CLCN6: variants seen among roughly 807,000 people sequenced by gnomAD.
The protein encoded by CLCN6 is Cl-/H+ antiporter 6, also known as H(+)/Cl(-) exchange transporter 6.
CLCN6 carries 70 observed loss-of-function variants against 109.8 expected under a neutral mutation model. That is an observed-to-expected ratio of 0.64 (90% CI 0.53 to 0.78). The LOEUF (loss-of-function observed/expected upper bound fraction) is 0.78, where lower values mean the gene tolerates loss of function less well. Among genes scored for constraint, CLCN6 ranks in the 30% least tolerant of loss-of-function variants. The pLI, the probability that CLCN6 is intolerant of heterozygous loss-of-function variation, is 0.00. For synonymous variants in CLCN6, 444 were observed against 447.8 expected (o/e 0.99, Z 0.11); for missense variants, 984 against 1,142.3 (o/e 0.86, Z 2.00).
rs1483109771 is a variant in CLCN6, at chr1:11,842,991, T to G, written c.*2768T>G. The G allele has an allele frequency of 6.6e-6, 1 of 152,266 alleles. No homozygotes were observed. The highest frequency in any genetic ancestry group is 6.5e-5 in the Admixed American group (1 of 15,290). 9.4% of individuals were successfully genotyped at this position (152,266 alleles called of 1,614,324 possible). A position where few individuals can be genotyped will look rare whatever the true frequency, so the allele number is the denominator to read the frequency against. On this transcript the variant is annotated 3_prime_UTR_variant, in exon 23 of 23. Transcript: ENST00000346436. ...CCTTTTTTCTGTTTGCACTGTTTGTTTGTATGATGTTAGCTAATTCCACTG... is the reference window on the plus strand; with the variant it reads ...CCTTTTTTCTGTTTGCACTGTTTGTGTGTATGATGTTAGCTAATTCCACTG...
chr1:11,822,828 G>A (rs550755052), intron 6 of CLCN6, 27 bp downstream of exon 6: 29 of 1,460,614 alleles, frequency 2.0e-5, no homozygotes, highest in East Asian at 1.1e-4. Context: ...TCACCTGCTC[G>A]CTTAGGAGGT....
chr1:11,823,960 T>A, intron 7 of CLCN6, 127 bp downstream of exon 7: 2 of 1,180,140 alleles, frequency 1.7e-6, no homozygotes, highest in Non-Finnish European at 2.4e-6. Flanking sequence ...CTGCACTTTT[T>A]GTTGATGGGC....
intron 22 of CLCN6, among the ~76,000 whole-genome samples, chr1:11,839,581 G>A (rs1263977015): frequency 6.6e-6 from 1 of 152,144 alleles, no homozygotes; most frequent in Non-Finnish European, 1.5e-5. Context: ...TCTTCTATGC[G>A]GCACAACCCT....
rs757334578 is a variant in CLCN6, at chr1:11,823,688, G to A, written c.454-19G>A. ...CCAATGGATTTCGAGTTATGGGTGT[G>A]CCTGCTCTCCTCCATCAGCCGGTGG... On this transcript the variant is annotated intron_variant, in intron 6 of 22. Transcript: ENST00000346436. 1.2e-6 allele frequency: 2 copies of A among 1,613,922 alleles called. No homozygotes were observed. Among genetic ancestry groups the A allele is most frequent in the Admixed American group, 1.7e-5 (1 of 59,998 alleles).
chr1:11,820,550 A>G (rs553680508), intron 5 of CLCN6: 1 of 538,368 alleles, frequency 1.9e-6, no homozygotes, highest in South Asian at 2.3e-5. Flanking sequence ...GCGGATCACA[A>G]GGTCAGGAGA....
intron 10 of CLCN6, 74 bp from the exon 11 acceptor site, chr1:11,828,032 C>G: frequency 1.8e-6 from 2 of 1,096,036 alleles, no homozygotes; most frequent in Admixed American, 3.5e-5. Flanking sequence ...GCAGTGGGTA[C>G]CAGGAGGAAG....
At chr1:11,829,952 C>T (rs1570534298) in intron 13 of CLCN6, 3 of 152,970 alleles carry the variant, frequency 2.0e-5, no homozygotes, top group East Asian at 1.9e-4. Flanking sequence ...CACCTCATGG[C>T]CTCTGTGACT....
intron 8 of CLCN6, among the ~76,000 whole-genome samples, chr1:11,825,270 T>C (rs1183191081): frequency 1.3e-5 from 2 of 152,240 alleles, no homozygotes; most frequent in South Asian, 2.1e-4. Flanking sequence ...GAAGATTCTT[T>C]CGTCCAGAGC....
chr1:11,835,070 T>C (rs932913741), intron 17 of CLCN6, among the ~76,000 whole-genome samples: 1 of 152,168 alleles, frequency 6.6e-6, no homozygotes, highest in African/African-American at 2.4e-5. Context: ...CCTTACGGGC[T>C]AACACGGGGG....
intron 1 of CLCN6, chr1:11,806,597 C>T: frequency 4.3e-6 from 2 of 461,144 alleles, no homozygotes; most frequent in Non-Finnish European, 7.6e-6. Context: ...CCCATGTTTC[C>T]TTTTATTTCC....
At chr1:11,812,664 T>TTGTGTGTGTGTGTG (rs61487985) in intron 2 of CLCN6, among the ~76,000 whole-genome samples, 21 of 127,024 alleles carry the variant, frequency 1.7e-4, no homozygotes, top group South Asian at 2.7e-4. Context: ...CAAAGTATGT[T>TTGTGTGTGTGTGTG]TGTGTGTGTG....
chr1:11,806,217 G>C lies in CLCN6; in HGVS notation c.-46G>C. 7.2e-7 allele frequency: 1 copy of C among 1,390,244 alleles called. No homozygotes were observed. The highest frequency in any genetic ancestry group is 9.4e-7 in the Non-Finnish European group (1 of 1,065,262). The allele number at this position is 1,390,244 out of a possible 1,614,324, so 86.1% of individuals were successfully genotyped here. ...GTCACGTGAGGCGCAGATCCTGGCT[G>C]GGAGGGGGTTGGTAGAGGGGTCCAG... On this transcript the variant is annotated 5_prime_UTR_variant, in exon 1 of 23. Coordinates refer to ENST00000346436, the MANE Select transcript of CLCN6 (RefSeq NM_001286.5).
rs1336945844 is a variant in CLCN6, at chr1:11,834,051, T to C, written c.1526+21T>C. On this transcript the variant is annotated intron_variant, in intron 15 of 22. Coordinates refer to ENST00000346436, the MANE Select transcript of CLCN6 (RefSeq NM_001286.5). The surrounding 1 kb of genome is among the most constrained non-coding windows in gnomAD (Gnocchi z 4.5). ...AAAAGGTACTCTGTGTGTGTGCGTG[T>C]GTGTGCGCATGTGCATGTGTGTGCA... The C allele has an allele frequency of 6.2e-7, 1 of 1,611,770 alleles. No homozygotes were observed. The highest frequency in any genetic ancestry group is 1.7e-5 in the Admixed American group (1 of 59,380).
intron 18 of CLCN6, 116 bp from the exon 19 acceptor site, chr1:11,836,883 A>G (rs572922159): frequency 7.1e-5 from 85 of 1,202,246 alleles, no homozygotes; most frequent in Non-Finnish European, 1.2e-5. Flanking sequence ...AGCCCCATTA[A>G]GTTCCTGCGT....
intron 2 of CLCN6, among the ~76,000 whole-genome samples, chr1:11,808,290 C>T (rs1441534835): frequency 6.6e-6 from 1 of 150,754 alleles, no homozygotes; most frequent in Non-Finnish European, 1.5e-5. Context: ...AAGACAGTCT[C>T]CCTATGTTGC....
intron 1 of CLCN6, chr1:11,806,753 C>T (rs1006896305): frequency 1.1e-5 from 4 of 355,770 alleles, no homozygotes; most frequent in Non-Finnish European, 2.0e-5. Context: ...GTCCAGCTTC[C>T]CCCTGCAAAG....
intron 2 of CLCN6, among the ~76,000 whole-genome samples, chr1:11,813,953 CTT>C (rs1290345252): frequency 6.6e-6 from 1 of 152,090 alleles, no homozygotes; most frequent in African/African-American, 2.4e-5. Flanking sequence ...TCTATATAGA[CTT>C]AACTATAATC....
At chr1:11,826,061 T>G in intron 8 of CLCN6, 95 bp from the exon 9 acceptor site, 1 of 942,596 alleles carries the variant, frequency 1.1e-6, no homozygotes, top group Non-Finnish European at 1.7e-6. Flanking sequence ...GCCCCTGACC[T>G]GTGTTCTTTT....
chr1:11,812,533 C>A (rs796841855), intron 2 of CLCN6, among the ~76,000 whole-genome samples: 2 of 152,078 alleles, frequency 1.3e-5, no homozygotes, highest in Admixed American at 6.5e-5. Flanking sequence ...TGTCCCACCC[C>A]GCTAATCCTG....
Sources: allele counts gnomAD v4.1 joint callset (sites outside exome capture counted in the v4.1 genomes callset), GRCh38; gene constraint gnomAD v4.1.1; non-coding constraint Gnocchi (gnomAD v3.1); transcripts MANE v1.5; gene names NCBI Gene and HGNC (gene_info 2026-07-23, HGNC 2026-07-21).